The following RCSD1 variants were observed in gnomAD, a reference collection of about 807,000 sequenced individuals.
The protein encoded by RCSD1 is RCSD domain containing 1.
A neutral mutation model predicts 42.5 loss-of-function variants in RCSD1; 26 were observed. The observed-to-expected ratio is 0.61, with a 90% CI of 0.45 to 0.85. The LOEUF is 0.85. Among genes scored for constraint, RCSD1 ranks in the 40% least tolerant of loss-of-function variants. The probability of loss-of-function intolerance (pLI) is 0.00; values close to 1 mark genes in which losing one functional copy is unlikely to be tolerated. For synonymous variants in RCSD1, 220 were observed against 212.2 expected, an observed-to-expected ratio of 1.04 and a Z score of -0.32; for missense variants, 571 against 528.3, an observed-to-expected ratio of 1.08 and a Z score of -0.79.
chr1:167,687,208 T>G (rs1216788671), intron 3 of RCSD1, among the ~76,000 whole-genome samples: 1 of 152,194 alleles, frequency 6.6e-6, no homozygotes, highest in African/African-American at 2.4e-5. Flanking sequence ...CCTCCAGGGA[T>G]CAATGACTTT....
chr1:167,703,623 C>T (rs751488088), intron 6 of RCSD1, among the ~76,000 whole-genome samples: 6 of 152,304 alleles, frequency 3.9e-5, no homozygotes, highest in African/African-American at 9.6e-5. Flanking sequence ...AGGTTGTCTG[C>T]TCTCCTATCC....
chr1:167,679,903 G>A (rs1229742956), intron 1 of RCSD1, among the ~76,000 whole-genome samples: 1 of 152,116 alleles, frequency 6.6e-6, no homozygotes, highest in Non-Finnish European at 1.5e-5. Flanking sequence ...CTGTGTTTAC[G>A]CAACATGGCA....
intron 1 of RCSD1, among the ~76,000 whole-genome samples, chr1:167,662,043 C>G (rs1056957929): frequency 2.6e-5 from 4 of 152,120 alleles, no homozygotes; most frequent in African/African-American, 9.7e-5. Context: ...GTCACTCACC[C>G]TAGGGGATTA....
At chr1:167,641,173 A>C (rs1276237599) in intron 1 of RCSD1, among the ~76,000 whole-genome samples, 1 of 152,132 alleles carries the variant, frequency 6.6e-6, no homozygotes, top group Non-Finnish European at 1.5e-5. Flanking sequence ...GTCTGTCTCC[A>C]GGCCGCTATG....
At chr1:167,665,156 ATCT>A (rs1658626926) in intron 1 of RCSD1, 1 of 152,114 alleles carries the variant, frequency 6.6e-6, no homozygotes, top group Admixed American at 6.6e-5. Flanking sequence ...GCAATCAGTG[ATCT>A]TCTTTCTGTT....
At chr1:167,685,676 G>A (rs1002143762) in intron 3 of RCSD1, among the ~76,000 whole-genome samples, 166 bp downstream of exon 3, 2 of 152,034 alleles carry the variant, frequency 1.3e-5, no homozygotes, top group Non-Finnish European at 2.9e-5. Flanking sequence ...TTCCTGAATC[G>A]TTTACTTTGG....
At chr1:167,692,776 T>A (rs986013197) in intron 4 of RCSD1, among the ~76,000 whole-genome samples, 1 of 152,190 alleles carries the variant, frequency 6.6e-6, no homozygotes, top group Non-Finnish European at 1.5e-5. Flanking sequence ...TTTATTAAGA[T>A]CACAATGAAA....
Position 167,705,012 on chromosome 1 carries a change from G to A in RCSD1, c.*316G>A, listed in dbSNP as rs1359915641. On this transcript the variant is annotated 3_prime_UTR_variant, in exon 7 of 7. Transcript: ENST00000367854. ...GAGTCCCAGGGGCACTGGTCAGCCT[G>A]TGGAGCCCTGGATGCTATCCACACC... The A allele has an allele frequency of 7.6e-6, 2 of 263,944 alleles. No homozygotes were observed. The highest frequency in any genetic ancestry group is 1.0e-4 in the Admixed American group (2 of 19,870). 16.4% of individuals were successfully genotyped at this position (263,944 alleles called of 1,614,324 possible). A position where few individuals can be genotyped will look rare whatever the true frequency, so the allele number is the denominator to read the frequency against.
intron 6 of RCSD1, among the ~76,000 whole-genome samples, chr1:167,700,807 T>G (rs1195540348): frequency 3.3e-5 from 5 of 152,194 alleles, no homozygotes; most frequent in African/African-American, 1.2e-4. Context: ...ATGAAGTCAC[T>G]GGGTCCAAGT....
At position 167,704,733 on chromosome 1, in the gene RCSD1, G is replaced by A. The variant is rs747461480; in HGVS notation, c.*37G>A. On this transcript the variant is annotated 3_prime_UTR_variant, in exon 7 of 7. Transcript: ENST00000367854. ...TTGTGCCCCAGTGATGAAGTTGCTG[G>A]ACACATCTCTTTGCAGGTAGCAGCA... 6 of 1,603,732 alleles carry A rather than the reference G, an allele frequency of 3.7e-6. No individual in the cohort carries two copies. Among genetic ancestry groups the A allele is most frequent in the Non-Finnish European group, 5.1e-6 (6 of 1,171,674 alleles).
chr1:167,632,858 G>A (rs1657741475), intron 1 of RCSD1, among the ~76,000 whole-genome samples: 1 of 152,066 alleles, frequency 6.6e-6, no homozygotes, highest in South Asian at 2.1e-4. Flanking sequence ...AAATCTAGGG[G>A]CCAGGGAAGT....
At chr1:167,643,441 A>T (rs752075943) in intron 1 of RCSD1, among the ~76,000 whole-genome samples, 3 of 152,258 alleles carry the variant, frequency 2.0e-5, no homozygotes, top group Non-Finnish European at 4.4e-5. Context: ...CACTTCTACC[A>T]CACTTTATTG....
At chr1:167,662,284 G>C (rs1177789915) in intron 1 of RCSD1, among the ~76,000 whole-genome samples, 1 of 152,174 alleles carries the variant, frequency 6.6e-6, no homozygotes, top group African/African-American at 2.4e-5. Context: ...CCAAAGTGAA[G>C]GTTATTTTTT....
At chr1:167,672,595 A>T (rs1571693228) in intron 1 of RCSD1, among the ~76,000 whole-genome samples, 1 of 151,730 alleles carries the variant, frequency 6.6e-6, no homozygotes, top group African/African-American at 2.4e-5. Flanking sequence ...GCCTCCCATC[A>T]CTCTGACTCT....
chr1:167,674,292 C>T (rs1658886178), intron 1 of RCSD1, among the ~76,000 whole-genome samples: 1 of 152,178 alleles, frequency 6.6e-6, no homozygotes, highest in African/African-American at 2.4e-5. Flanking sequence ...GATGTGTCTG[C>T]AGCTGCAAGG....
chr1:167,706,547 C>A lies in RCSD1; in HGVS notation c.*1851C>A, dbSNP rs1659761624. On this transcript the variant is annotated 3_prime_UTR_variant, in exon 7 of 7. Transcript: ENST00000367854. ...TGAAAAATGAAACTGCATTTTTCTT[C>A]TGGAGGGTCTAAACATAGTAGCAGA... is the stretch of plus-strand genomic sequence containing the variant. Among the ~76,000 whole-genome samples the A allele has an allele frequency of 6.6e-6, 1 of 152,058 alleles. No homozygotes were observed. The highest frequency in any genetic ancestry group is 1.5e-5 in the Non-Finnish European group (1 of 68,024).
intron 1 of RCSD1, among the ~76,000 whole-genome samples, chr1:167,648,229 T>C (rs752076466): frequency 6.6e-6 from 1 of 152,248 alleles, no homozygotes; most frequent in Non-Finnish European, 1.5e-5. Context: ...TTTTTCTATT[T>C]TGGAACACAG....
At chr1:167,699,533 C>T (rs1418556304) in intron 6 of RCSD1, among the ~76,000 whole-genome samples, 1 of 152,194 alleles carries the variant, frequency 6.6e-6, no homozygotes, top group African/African-American at 2.4e-5. Flanking sequence ...TTCACTGTTA[C>T]TGTGTGTCTC....
intron 1 of RCSD1, among the ~76,000 whole-genome samples, chr1:167,643,468 T>C (rs951219596): frequency 6.6e-6 from 1 of 152,272 alleles, no homozygotes; most frequent in Non-Finnish European, 1.5e-5. Flanking sequence ...TACTTTCCCG[T>C]ATCTGTTCAG....
Sources: allele counts gnomAD v4.1 joint callset (sites outside exome capture counted in the v4.1 genomes callset), GRCh38; gene constraint gnomAD v4.1.1; transcripts MANE v1.5; gene names NCBI Gene and HGNC (gene_info 2026-07-23, HGNC 2026-07-21).